Variants in CUL9 observed in about 807,000 individuals in gnomAD.
The protein encoded by CUL9 is cullin 9.
Under a neutral mutation model 272.6 loss-of-function variants are expected in CUL9, and 79 were observed. That is an observed-to-expected ratio of 0.29 (90% CI 0.24 to 0.35). The LOEUF is 0.35. Ranked by LOEUF, CUL9 falls within the 10% of genes least tolerant of loss-of-function variation. CUL9 has a pLI of 1.00. For missense variants in CUL9, 2,532 were observed against 3,255.6 expected (o/e 0.78, Z 5.41); for synonymous variants, 1,186 against 1,286.5 (o/e 0.92, Z 1.67).
rs1037758971 is a variant in CUL9 at position 43,222,026 on chromosome 6, G to A, written c.6846+248G>A. The A allele has an allele frequency of 3.5e-5, 21 of 593,468 alleles. No individual in the cohort carries two copies. The South Asian group carries it at 4.2e-4, about 12-fold the overall frequency. 36.8% of individuals were successfully genotyped at this position (593,468 alleles called of 1,614,324 possible). On this transcript the variant is annotated intron_variant, in intron 35 of 40. Coordinates refer to ENST00000252050, the MANE Select transcript of CUL9 (RefSeq NM_015089.4). ...CTACAGAAAGGCTGGGGAGGGCTGGGCACTCTCAGAAGGCAGCAGGGCAGA... is the reference window on the plus strand; with the variant it reads ...CTACAGAAAGGCTGGGGAGGGCTGGACACTCTCAGAAGGCAGCAGGGCAGA...
chr6:43,223,212 G>T lies in CUL9; in HGVS notation c.7151-52G>T. 1.3e-6 allele frequency: 2 copies of T among 1,548,202 alleles called. No individual in the cohort carries two copies. The highest frequency in any genetic ancestry group is 1.8e-6 in the Non-Finnish European group (2 of 1,141,430). On this transcript the variant is annotated intron_variant, in intron 38 of 40. Transcript: ENST00000252050. This position sits in a 1 kb window ranked among gnomAD's most constrained non-coding sequence, Gnocchi z 4.1. ...TTCCATAGGTGTTTGTTGGAGGAAG[G>T]AATGGATGAGAATGAGAAGGGAGGG...
At position 43,185,381 on chromosome 6, in the gene CUL9, G is replaced by A. The variant is rs1266595116; in HGVS notation, c.596-75G>A. ...CAAAGTTTGAAAGCGTCTGGGGTAG[G>A]AGATAGAATCTAGGAAAGGCAGGGA... On this transcript the variant is annotated intron_variant, in intron 2 of 40. Transcript: ENST00000252050. 4.0e-6 allele frequency: 6 copies of A among 1,506,630 alleles called. No homozygotes were observed. The Admixed American group carries it at 7.0e-5, about 18-fold the overall frequency. 93.3% of individuals were successfully genotyped at this position (1,506,630 alleles called of 1,614,324 possible).
chr6:43,202,695 G>GT (rs1456472460), intron 16 of CUL9, 21 bp from the exon 17 acceptor site: 2 of 1,610,050 alleles, frequency 1.2e-6, no homozygotes, highest in African/African-American at 1.3e-5. Flanking sequence ...AGCTTTGACT[G>GT]TTTCCTTTCT....
At position 43,187,068 on chromosome 6, in the gene CUL9, G is replaced by C. The variant is rs145250491; in HGVS notation, c.1360G>C (p.Gly454Arg). The change falls in exon 5 of 41, where the codon GGG (glycine) becomes CGG (arginine). Residue 454 changes from glycine to arginine, a missense_variant. Gly to Arg is a moderately radical substitution (Grantham distance 125, BLOSUM62 -2). Coordinates refer to ENST00000252050, the MANE Select transcript of CUL9 (RefSeq NM_015089.4). Reference sequence around the variant, plus strand: ...TAAGGCTTCAGCAGCTGTGGAGAAGGGGGCAGGGGCTACTGTGTTGGGCAC... The same window carrying C: ...TAAGGCTTCAGCAGCTGTGGAGAAGCGGGCAGGGGCTACTGTGTTGGGCAC... ...EDKASAAVEK[G>R]AGATVLGTAF... 29 of 1,614,110 alleles carry C rather than the reference G, an allele frequency of 1.8e-5. No individual in the cohort carries two copies. Among genetic ancestry groups the C allele is most frequent in the South Asian group, 1.4e-4 (13 of 91,090 alleles).
In CUL9 at chr6:43,223,581, T is replaced by C. The variant is rs1776556901; in HGVS notation, c.7284+184T>C. The stretch of plus-strand genomic sequence containing the variant: ...ACCTGCCTGATGCTGCTGGACCCTA[T>C]CACTTCACCTCCTGGGGATTCCTAC... On this transcript the variant is annotated intron_variant, in intron 39 of 40. Coordinates refer to ENST00000252050, the MANE Select transcript of CUL9 (RefSeq NM_015089.4). This position sits in a 1 kb window ranked among gnomAD's most constrained non-coding sequence, Gnocchi z 4.1. The C allele has an allele frequency of 1.4e-6, 1 of 701,990 alleles. No individual in the cohort carries two copies. The highest frequency in any genetic ancestry group is 2.3e-6 in the Non-Finnish European group (1 of 432,424). 43.5% of individuals were successfully genotyped at this position (701,990 alleles called of 1,614,324 possible). A position where few individuals can be genotyped will look rare whatever the true frequency, so the allele number is the denominator to read the frequency against.
chr6:43,221,120 C>T lies in CUL9; in HGVS notation c.6589-38C>T, dbSNP rs113994608. The T allele has an allele frequency of 1.7e-3, 2,744 of 1,601,974 alleles. 9 individuals carry two copies. The highest frequency in any genetic ancestry group is 2.1e-3 in the Non-Finnish European group (2,476 of 1,175,710). On this transcript the variant is annotated intron_variant, in intron 33 of 40. Coordinates refer to ENST00000252050, the MANE Select transcript of CUL9 (RefSeq NM_015089.4). This position sits in a 1 kb window ranked among gnomAD's most constrained non-coding sequence, Gnocchi z 4.2. ...GTGCACACCAGCCATGCTGCCCTCA[C>T]GGCTCAGCTGTGTCCCCACCATGCC...
intron 26 of CUL9, among the ~76,000 whole-genome samples, chr6:43,212,109 C>T (rs1775557119): frequency 1.3e-5 from 2 of 152,208 alleles, no homozygotes; most frequent in Non-Finnish European, 2.9e-5. Context: ...CATAATTCCT[C>T]TGTCTCCTTT....
At chr6:43,212,994 G>A (rs1160763806) in intron 26 of CUL9, 155 bp from the exon 27 acceptor site, 2 of 814,460 alleles carry the variant, frequency 2.5e-6, no homozygotes, top group Non-Finnish European at 3.8e-6. Flanking sequence ...AGGGAAGGCT[G>A]AGATCTGGAA....
At position 43,206,053 on chromosome 6, in the gene CUL9, G is replaced by C. The variant is rs1199120198; in HGVS notation, c.4840G>C (p.Glu1614Gln). 16 of 1,614,042 alleles carry C rather than the reference G, an allele frequency of 9.9e-6. No individual in the cohort carries two copies. The highest frequency in any genetic ancestry group is 1.3e-5 in the African/African-American group (1 of 74,910). ...CCTGAGCTTTGGTTCGAGCTGGCTG[G>C]AGGGGGCTGTGCTAGAGCAGATTGG... The part of the protein sequence containing the change: ...RLLSFGSSWL[E>Q]GAVLEQIGLC... The change falls in exon 25 of 41, where the codon GAG becomes CAG. Residue 1614 changes from glutamate (E) to glutamine (Q), a missense_variant. By Grantham distance (29) the Glu-to-Gln change is conservative. Coordinates refer to ENST00000252050, the MANE Select transcript of CUL9 (RefSeq NM_015089.4). The surrounding 1 kb of genome is among the most constrained non-coding windows in gnomAD (Gnocchi z 4.8).
intron 24 of CUL9, 112 bp downstream of exon 24, chr6:43,205,535 A>C: frequency 7.8e-7 from 1 of 1,281,710 alleles, no homozygotes; most frequent in Non-Finnish European, 1.1e-6. Context: ...AGAGATTAAG[A>C]TGTGGAGATG....
chr6:43,209,004 C>T (rs1430491767), intron 26 of CUL9, among the ~76,000 whole-genome samples: 1 of 151,876 alleles, frequency 6.6e-6, no homozygotes, highest in Non-Finnish European at 1.5e-5. Flanking sequence ...ACCACCACTC[C>T]CAGCTAATTT....
intron 26 of CUL9, among the ~76,000 whole-genome samples, chr6:43,209,055 C>T (rs911554367): frequency 4.6e-5 from 7 of 151,962 alleles, no homozygotes; most frequent in Middle Eastern, 3.5e-3. Flanking sequence ...AGGCTGTTCT[C>T]GAACTCCTGC....
In CUL9 at chr6:43,218,424, G is replaced by T. The variant is rs1776090016; in HGVS notation, c.6282+1921G>T. ...GTAGAGACGGGGTTTCACTGTGTTA[G>T]CCAGGATGGTCTCGATCTCCTGACC... On this transcript the variant is annotated intron_variant, in intron 31 of 40. Coordinates refer to ENST00000252050, the MANE Select transcript of CUL9 (RefSeq NM_015089.4). This position sits in a 1 kb window ranked among gnomAD's most constrained non-coding sequence, Gnocchi z 4.4. Among the ~76,000 whole-genome samples, 1 of 151,730 alleles carries T rather than the reference G, an allele frequency of 6.6e-6. No homozygotes were observed. The highest frequency in any genetic ancestry group is 1.5e-5 in the Non-Finnish European group (1 of 67,946).
At position 43,215,106 on chromosome 6, in the gene CUL9, A is replaced by G; in HGVS notation, c.5716A>G (p.Asn1906Asp). The change falls in exon 30 of 41, where the codon AAT becomes GAT. Residue 1906 changes from asparagine (N) to aspartate (D), a missense_variant. Coordinates refer to ENST00000252050, the MANE Select transcript of CUL9 (RefSeq NM_015089.4). ...GCTGGAGGCCTGGCAGAAGGGTCCA[A>G]ATCCTCCTGGAACCCTGGGCCACAC... ...LVLEAWQKGP[N>D]PPGTLGHTVA... 6.2e-7 allele frequency: 1 copy of G among 1,612,018 alleles called. No individual in the cohort carries two copies. Among genetic ancestry groups the G allele is most frequent in the South Asian group, 1.1e-5 (1 of 90,956 alleles).
Position 43,204,255 on chromosome 6 carries a change from A to G in CUL9, c.4160-105A>G, listed in dbSNP as rs1057295528. On this transcript the variant is annotated intron_variant, in intron 20 of 40. Coordinates refer to ENST00000252050, the MANE Select transcript of CUL9 (RefSeq NM_015089.4). Reference sequence around the variant, plus strand: ...GTGAGGGGAGGACTAGGGCCCCACTACCCCTCAAGCCTTTTTGTACAATTG... The same window carrying G: ...GTGAGGGGAGGACTAGGGCCCCACTGCCCCTCAAGCCTTTTTGTACAATTG... 6 of 1,377,018 alleles carry G rather than the reference A, an allele frequency of 4.4e-6. No individual in the cohort carries two copies. The East Asian group carries it at 1.2e-4, about 27-fold the overall frequency. The allele number at this position is 1,377,018 out of a possible 1,614,324, so 85.3% of individuals were successfully genotyped here.
chr6:43,201,024 T>G (rs1380863756), intron 16 of CUL9, among the ~76,000 whole-genome samples, 190 bp downstream of exon 16: 1 of 152,234 alleles, frequency 6.6e-6, no homozygotes, highest in Non-Finnish European at 1.5e-5. Context: ...CAGAGTCTGG[T>G]GATCTGTACT....
At chr6:43,222,275 A>C in intron 35 of CUL9, 41 bp from the exon 36 acceptor site, 1 of 1,576,458 alleles carries the variant, frequency 6.3e-7, no homozygotes, top group African/African-American at 1.3e-5. Flanking sequence ...CCTCCTGTCC[A>C]AACAAAACAC....
At position 43,213,344 on chromosome 6, in the gene CUL9, G is replaced by A. The variant is rs371994205; in HGVS notation, c.5358+50G>A. Reference sequence around the variant, plus strand: ...TGCCTTCTCTGCTACCTTATCTGTCGCTGTTCTCCTCCTAAACCCTGTTCC... The same window carrying A: ...TGCCTTCTCTGCTACCTTATCTGTCACTGTTCTCCTCCTAAACCCTGTTCC... On this transcript the variant is annotated intron_variant, in intron 27 of 40. Coordinates refer to ENST00000252050, the MANE Select transcript of CUL9 (RefSeq NM_015089.4). The surrounding 1 kb of genome is among the most constrained non-coding windows in gnomAD (Gnocchi z 5.7). 30 of 1,610,962 alleles carry A rather than the reference G, an allele frequency of 1.9e-5. No homozygotes were observed. The highest frequency in any genetic ancestry group is 1.6e-4 in the Middle Eastern group (1 of 6,066).
chr6:43,205,640 G>A (rs528060017), intron 24 of CUL9, among the ~76,000 whole-genome samples: 1 of 152,262 alleles, frequency 6.6e-6, no homozygotes, highest in African/African-American at 2.4e-5. Flanking sequence ...GACCAACATG[G>A]TGAAACCCTT....
Sources: allele counts gnomAD v4.1 joint callset (sites outside exome capture counted in the v4.1 genomes callset), GRCh38; gene constraint gnomAD v4.1.1; non-coding constraint Gnocchi (gnomAD v3.1); transcripts MANE v1.5; gene names NCBI Gene and HGNC (gene_info 2026-07-23, HGNC 2026-07-21).